The following BAIAP2L1 variants were observed in gnomAD, a reference collection of about 807,000 sequenced individuals.
BAIAP2L1 encodes the protein BAR/IMD domain containing adaptor protein 2 like 1, also known as BAR/IMD domain-containing adapter protein 2-like 1.
BAIAP2L1 carries 35 observed loss-of-function variants against 66.3 expected under a neutral mutation model. The observed-to-expected ratio is 0.53, with a 90% CI of 0.40 to 0.70. The LOEUF is 0.70. BAIAP2L1 is among the 30% of genes least tolerant of loss of function. BAIAP2L1 has a pLI of 0.00. For synonymous variants in BAIAP2L1, 269 were observed against 248.7 expected (o/e 1.08, Z -0.77); for missense variants, 622 against 656.9 (o/e 0.95, Z 0.58).
Position 98,292,426 on chromosome 7 carries a change from G to A in BAIAP2L1, c.*1095C>T, listed in dbSNP as rs1396933871. The A allele has an allele frequency of 3.0e-5, 17 of 566,874 alleles. No individual in the cohort carries two copies. Among genetic ancestry groups the A allele is most frequent in the Admixed American group, 1.6e-4 (5 of 32,090 alleles). The allele number at this position is 566,874 out of a possible 1,614,324, so 35.1% of individuals were successfully genotyped here. ...TGACCTCAGGTGATCCCCCTGCCTC[G>A]GCCTCACAAAATGCTGGGATTCCCG... On this transcript the variant is annotated 3_prime_UTR_variant, in exon 14 of 14. Transcript: ENST00000005260.
At chr7:98,357,039 ATATATATATATTT>A (rs1490117288) in intron 2 of BAIAP2L1, among the ~76,000 whole-genome samples, 3 of 17,376 alleles carry the variant, frequency 1.7e-4, no homozygotes, top group East Asian at 2.6e-3. Context: ...ATATATATAT[ATATATATATATTT>A]TTTTTTTTTT....
At chr7:98,323,709 G>C (rs1330692631) in intron 3 of BAIAP2L1, among the ~76,000 whole-genome samples, 2 of 152,182 alleles carry the variant, frequency 1.3e-5, no homozygotes, top group East Asian at 3.9e-4. Flanking sequence ...CACTCTGCGG[G>C]CAGGCAGGCA....
At chr7:98,315,806 G>A (rs529220121) in intron 6 of BAIAP2L1, among the ~76,000 whole-genome samples, 194 bp from the exon 7 acceptor site, 14 of 152,272 alleles carry the variant, frequency 9.2e-5, no homozygotes, top group South Asian at 4.1e-4. Context: ...TCCCTGACTC[G>A]TGTGCAGAGA....
chr7:98,345,877 A>G (rs1801861715), intron 3 of BAIAP2L1, among the ~76,000 whole-genome samples: 1 of 152,132 alleles, frequency 6.6e-6, no homozygotes. Context: ...CCCACTTCAC[A>G]CTACAGGATG....
chr7:98,366,794 T>C (rs1472828342), intron 1 of BAIAP2L1, among the ~76,000 whole-genome samples: 1 of 152,216 alleles, frequency 6.6e-6, no homozygotes, highest in Non-Finnish European at 1.5e-5. Flanking sequence ...CACGATCCTC[T>C]CTACAAGATG....
intron 10 of BAIAP2L1, 162 bp downstream of exon 10, chr7:98,307,527 T>A (rs1036717723): frequency 2.1e-6 from 3 of 1,451,620 alleles, no homozygotes; most frequent in Non-Finnish European, 2.7e-6. Flanking sequence ...ATACAGAAAA[T>A]AGCCTGGGAT....
chr7:98,386,278 T>G, intron 1 of BAIAP2L1: 2 of 1,595,784 alleles, frequency 1.3e-6, no homozygotes, highest in Non-Finnish European at 1.7e-6. Flanking sequence ...ACGGGTAAGA[T>G]CCATGCCATG....
chr7:98,372,729 T>C (rs1278716143), intron 1 of BAIAP2L1, among the ~76,000 whole-genome samples: 2 of 139,434 alleles, frequency 1.4e-5, no homozygotes, highest in Non-Finnish European at 3.0e-5. Context: ...CAAGATCGAT[T>C]TTGGTTTTTT....
chr7:98,392,505 T>C (rs1026477335), intron 1 of BAIAP2L1, among the ~76,000 whole-genome samples: 1 of 152,104 alleles, frequency 6.6e-6, no homozygotes, highest in Non-Finnish European at 1.5e-5. Context: ...AGAGCTCCCT[T>C]CTGGGAATGT....
chr7:98,399,088 C>A (rs1803287987), intron 1 of BAIAP2L1, among the ~76,000 whole-genome samples: 1 of 152,190 alleles, frequency 6.6e-6, no homozygotes, highest in Admixed American at 6.6e-5. Flanking sequence ...GTACCCCACA[C>A]CTCATGCAGC....
At chr7:98,383,539 G>A (rs1435374769) in intron 1 of BAIAP2L1, among the ~76,000 whole-genome samples, 2 of 151,790 alleles carry the variant, frequency 1.3e-5, no homozygotes, top group Non-Finnish European at 2.9e-5. Context: ...CACCCACCTC[G>A]GCCTCCCAAA....
chr7:98,310,768 C>T lies in BAIAP2L1; in HGVS notation c.808-176G>A, dbSNP rs185388288. Among the ~76,000 whole-genome samples the T allele has an allele frequency of 1.3e-3, 203 of 152,050 alleles. 1 individual carries two copies. Among genetic ancestry groups the T allele is most frequent in the African/African-American group, 4.6e-3 (191 of 41,452 alleles). On this transcript the variant is annotated intron_variant, in intron 8 of 13. Coordinates refer to ENST00000005260, the MANE Select transcript of BAIAP2L1 (RefSeq NM_018842.5). ...GTGGCACGATCTCAGCTCACTGCAA[C>T]CTCCGCCTCCCAGTTTCAAGTGATT...
chr7:98,385,105 C>T (rs1420766679), intron 1 of BAIAP2L1, among the ~76,000 whole-genome samples: 2 of 151,966 alleles, frequency 1.3e-5, no homozygotes, highest in African/African-American at 4.8e-5. Context: ...GCCAGGAATT[C>T]AAGACCAGCC....
chr7:98,298,779 T>C (rs1388038253), intron 12 of BAIAP2L1, among the ~76,000 whole-genome samples: 1 of 152,112 alleles, frequency 6.6e-6, no homozygotes, highest in East Asian at 1.9e-4. Context: ...CTGAGACACA[T>C]AATTCCAGGA....
In BAIAP2L1 at chr7:98,312,413, CA is replaced by C. The variant is rs1260950570; in HGVS notation, c.640-150del. Reference sequence around the variant, plus strand: ...GGTTAAACTCGGTGAGCACTTTAAGCACCTAGAGGATCAGCTGTGTCTCACC... The same window carrying C: ...GGTTAAACTCGGTGAGCACTTTAAGCCCTAGAGGATCAGCTGTGTCTCACC... On this transcript the variant is annotated intron_variant, in intron 7 of 13. Coordinates refer to ENST00000005260, the MANE Select transcript of BAIAP2L1 (RefSeq NM_018842.5). 67 of 811,156 alleles carry C rather than the reference CA, an allele frequency of 8.3e-5. 1 individual carries two copies. Among genetic ancestry groups the C allele is most frequent in the Non-Finnish European group, 1.1e-4 (57 of 525,196 alleles). The allele number at this position is 811,156 out of a possible 1,614,324, so 50.2% of individuals were successfully genotyped here. A position where few individuals can be genotyped will look rare whatever the true frequency, so the allele number is the denominator to read the frequency against.
chr7:98,383,999 CA>C (rs1802826473), intron 1 of BAIAP2L1, among the ~76,000 whole-genome samples: 1 of 151,904 alleles, frequency 6.6e-6, no homozygotes, highest in African/African-American at 2.4e-5. Flanking sequence ...ACTAAAAATA[CA>C]AAAATTAGCT....
Position 98,372,548 on chromosome 7 carries a change from T to A in BAIAP2L1, c.52-10116A>T, listed in dbSNP as rs577551412. 3.0e-4 allele frequency among the ~76,000 whole-genome samples: 46 copies of A among 152,272 alleles called. No individual in the cohort carries two copies. In the South Asian group the frequency reaches 5.0e-3, roughly 16 times the overall value. ...TGGTTTAAGAATCTCTAAGTAAATA[T>A]GCAGTTCTGTGGCTTGTAACGTATG... On this transcript the variant is annotated intron_variant, in intron 1 of 13. Coordinates refer to ENST00000005260, the MANE Select transcript of BAIAP2L1 (RefSeq NM_018842.5).
intron 1 of BAIAP2L1, among the ~76,000 whole-genome samples, chr7:98,371,602 G>A (rs1476014329): frequency 6.6e-6 from 1 of 152,122 alleles, no homozygotes; most frequent in African/African-American, 2.4e-5. Context: ...AGAAATGAAT[G>A]ATGCAATCTT....
intron 1 of BAIAP2L1, among the ~76,000 whole-genome samples, chr7:98,389,077 T>A (rs1802964524): frequency 1.3e-5 from 2 of 151,876 alleles, no homozygotes; most frequent in African/African-American, 4.8e-5. Flanking sequence ...TCACCTGAGG[T>A]TTTTGTGGCC....
Sources: gnomAD v4.1 joint callset for allele counts (sites outside exome capture counted in the v4.1 genomes callset) on GRCh38, gnomAD v4.1.1 for gene constraint, MANE v1.5 for transcripts, NCBI Gene and HGNC (gene_info 2026-07-23, HGNC 2026-07-21) for gene names.